Variants in FBXL2 observed in about 807,000 individuals in gnomAD.
FBXL2 encodes the protein F-box and leucine rich repeat protein 2.
Under a neutral mutation model 69.2 loss-of-function variants are expected in FBXL2, and 38 were observed. The observed-to-expected ratio is 0.55, with a 90% CI of 0.42 to 0.72. The LOEUF (loss-of-function observed/expected upper bound fraction) is 0.72. Ranked by LOEUF, FBXL2 falls within the 30% of genes least tolerant of loss-of-function variation. The pLI, the probability that FBXL2 is intolerant of heterozygous loss-of-function variation, is 0.00. For missense variants in FBXL2, 354 were observed against 520.3 expected, an observed-to-expected ratio of 0.68 and a Z score of 3.11; for synonymous variants, 192 against 201.3, an observed-to-expected ratio of 0.95 and a Z score of 0.39.
chr3:33,416,491 C>T, the FBXL2 span, among the ~76,000 whole-genome samples: 18 of 152,248 alleles, frequency 1.2e-4, no homozygotes, highest in South Asian at 1.5e-3. Context: ...TTTAGAGAGG[C>T]TTATAGGTTT....
At chr3:33,290,430 A>G (rs913945376) in intron 1 of FBXL2, among the ~76,000 whole-genome samples, 3 of 152,246 alleles carry the variant, frequency 2.0e-5, no homozygotes, top group African/African-American at 4.8e-5. Context: ...AATGTGATCC[A>G]TGGTCAGGGG....
intron 2 of FBXL2, among the ~76,000 whole-genome samples, chr3:33,301,438 T>C (rs181841475): frequency 1.1e-4 from 17 of 152,336 alleles, no homozygotes; most frequent in Non-Finnish European, 2.1e-4. Flanking sequence ...AGCTTCCCCT[T>C]TGGAACCATT....
At chr3:33,368,847 A>G (rs957534471) in intron 5 of FBXL2, among the ~76,000 whole-genome samples, 12 of 152,000 alleles carry the variant, frequency 7.9e-5, no homozygotes, top group African/African-American at 2.9e-4. Context: ...TGGCCTCCCA[A>G]AGTGCTGGGA....
the FBXL2 span, among the ~76,000 whole-genome samples, chr3:33,419,297 C>A: frequency 6.6e-6 from 1 of 152,040 alleles, no homozygotes; most frequent in Non-Finnish European, 1.5e-5. Context: ...GAGTTCAAGA[C>A]CAGCCTGACC....
chr3:33,419,605 G>A, the FBXL2 span, among the ~76,000 whole-genome samples: 1 of 139,992 alleles, frequency 7.1e-6, no homozygotes, highest in African/African-American at 2.7e-5. Context: ...TCCAGCCTGG[G>A]CAACAAGAGG....
chr3:33,392,757 G>C, downstream of FBXL2: 1 of 708,450 alleles, frequency 1.4e-6, no homozygotes. Flanking sequence ...GTGTGAGGCA[G>C]CAAAGATGCA....
intron 1 of FBXL2, among the ~76,000 whole-genome samples, chr3:33,279,325 C>T (rs2033699461): frequency 2.6e-5 from 4 of 151,394 alleles, no homozygotes; most frequent in Admixed American, 2.6e-4. Flanking sequence ...GGCTGGAGTG[C>T]AGTGGTGCGA....
chr3:33,280,685 T>C lies in FBXL2; in HGVS notation c.3+3170T>C, dbSNP rs113953168. Among the ~76,000 whole-genome samples the C allele has an allele frequency of 5.9e-3, 813 of 136,834 alleles. 7 individuals carry two copies. The highest frequency in any genetic ancestry group is 0.022 in the African/African-American group (770 of 35,808). 89.8% of individuals were successfully genotyped at this position (136,834 alleles called of 152,430 possible). On this transcript the variant is annotated intron_variant, in intron 1 of 14. Coordinates refer to ENST00000484457, the MANE Select transcript of FBXL2 (RefSeq NM_012157.5). Reference sequence around the variant, plus strand: ...TTGTGTTCACACCACTGCCCTCCAGTCTGGGCAACAGAGCAAGGCCCTGTA... The same window carrying C: ...TTGTGTTCACACCACTGCCCTCCAGCCTGGGCAACAGAGCAAGGCCCTGTA...
chr3:33,380,554 A>G (rs2042979795), intron 13 of FBXL2, among the ~76,000 whole-genome samples: 1 of 106,806 alleles, frequency 9.4e-6, no homozygotes, highest in Non-Finnish European at 1.8e-5. Flanking sequence ...GCAAAACTCC[A>G]TAAAAAAAAA....
In FBXL2 at chr3:33,280,713, CAA is replaced by C. The variant is rs34093056; in HGVS notation, c.3+3217_3+3218del. On this transcript the variant is annotated intron_variant, in intron 1 of 14. Transcript: ENST00000484457. ...GGGCAACAGAGCAAGGCCCTGTATC[CAA>C]AAAAAAAAAAAAAAAAAAGAAAAGA... is the stretch of plus-strand genomic sequence containing the variant. 2.0e-3 allele frequency among the ~76,000 whole-genome samples: 161 copies of C among 81,378 alleles called. 2 individuals carry two copies. The highest frequency in any genetic ancestry group is 6.6e-3 in the African/African-American group (134 of 20,382). 53.4% of individuals were successfully genotyped at this position (81,378 alleles called of 152,430 possible).
At chr3:33,313,747 T>A (rs918907111) in intron 2 of FBXL2, among the ~76,000 whole-genome samples, 1 of 152,118 alleles carries the variant, frequency 6.6e-6, no homozygotes, top group Admixed American at 6.6e-5. Context: ...GCATCCAGCC[T>A]CATTTAACTT....
intron 2 of FBXL2, among the ~76,000 whole-genome samples, chr3:33,320,555 C>T (rs1417032167): frequency 6.6e-6 from 1 of 151,516 alleles, no homozygotes; most frequent in African/African-American, 2.4e-5. Flanking sequence ...AATCTCAGCT[C>T]ACTGCAACCT....
At chr3:33,306,481 A>G (rs1436641203) in intron 2 of FBXL2, among the ~76,000 whole-genome samples, 1 of 152,114 alleles carries the variant, frequency 6.6e-6, no homozygotes, top group African/African-American at 2.4e-5. Context: ...TATCACCTAT[A>G]TGTGCATCCT....
intron 2 of FBXL2, among the ~76,000 whole-genome samples, chr3:33,340,828 G>A (rs1018375464): frequency 9.5e-5 from 14 of 147,586 alleles, no homozygotes; most frequent in Non-Finnish European, 2.1e-4. Flanking sequence ...GGAGATGGAG[G>A]TTGCAGTGAG....
intron 1 of FBXL2, among the ~76,000 whole-genome samples, chr3:33,293,263 T>C (rs1240671208): frequency 6.6e-6 from 1 of 152,250 alleles, no homozygotes; most frequent in East Asian, 1.9e-4. Context: ...TTTACGTTTA[T>C]GGACTCATTT....
intron 2 of FBXL2, among the ~76,000 whole-genome samples, chr3:33,337,850 G>A (rs530124218): frequency 1.3e-5 from 2 of 152,240 alleles, no homozygotes; most frequent in East Asian, 1.9e-4. Flanking sequence ...AATCAAGAAC[G>A]CAATACTGTT....
intron 5 of FBXL2, among the ~76,000 whole-genome samples, chr3:33,370,030 G>GT (rs2042189157): frequency 6.6e-6 from 1 of 152,110 alleles, no homozygotes; most frequent in African/African-American, 2.4e-5. Context: ...GCATAAAGAA[G>GT]TTTTTTTACA....
intron 13 of FBXL2, among the ~76,000 whole-genome samples, chr3:33,382,370 G>A (rs533985024): frequency 3.3e-5 from 5 of 152,144 alleles, no homozygotes; most frequent in East Asian, 1.9e-4. Context: ...TCATGACCCC[G>A]GAAAGGCCCT....
chr3:33,340,512 C>A (rs180727675), intron 2 of FBXL2, among the ~76,000 whole-genome samples: 2 of 140,206 alleles, frequency 1.4e-5, no homozygotes, highest in East Asian at 2.2e-4. Flanking sequence ...TGAAAGAGTT[C>A]TTTGAAAGGT....
Sources: allele counts gnomAD v4.1 joint callset (sites outside exome capture counted in the v4.1 genomes callset), GRCh38; gene constraint gnomAD v4.1.1; transcripts MANE v1.5; gene names NCBI Gene and HGNC (gene_info 2026-07-23, HGNC 2026-07-21).